CAMTA1: variants seen among roughly 807,000 people sequenced by gnomAD.
CAMTA1 encodes the protein calmodulin binding transcription activator 1, also known as calmodulin-binding transcription activator 1.
CAMTA1 carries 27 observed loss-of-function variants against 170.9 expected under a neutral mutation model. The observed-to-expected ratio is 0.16, with a 90% CI of 0.12 to 0.22. CAMTA1 has a LOEUF of 0.22. CAMTA1 is among the 10% of genes least tolerant of loss of function. CAMTA1 has a pLI of 1.00. For missense variants in CAMTA1, 1,619 were observed against 2,217.2 expected (o/e 0.73, Z 5.42); for synonymous variants, 833 against 891.5 (o/e 0.93, Z 1.17).
At chr1:7,184,065 C>T (rs1207615222) in intron 4 of CAMTA1, among the ~76,000 whole-genome samples, 1 of 152,140 alleles carries the variant, frequency 6.6e-6, no homozygotes, top group Non-Finnish European at 1.5e-5. Flanking sequence ...AGAGTGAGAT[C>T]CTGTCATTTG....
chr1:7,099,883 T>C (rs1026371893), intron 4 of CAMTA1, among the ~76,000 whole-genome samples: 3 of 152,232 alleles, frequency 2.0e-5, no homozygotes, highest in African/African-American at 7.2e-5. Context: ...CCTGTGTTTC[T>C]TGCCTCTCTT....
At chr1:7,048,910 T>G in intron 3 of CAMTA1, among the ~76,000 whole-genome samples, 1 of 152,188 alleles carries the variant, frequency 6.6e-6, no homozygotes, top group Non-Finnish European at 1.5e-5. Context: ...AGATGAGCCG[T>G]CAACCTGTGT....
At chr1:7,201,116 C>G (rs1285990227) in intron 4 of CAMTA1, among the ~76,000 whole-genome samples, 1 of 152,200 alleles carries the variant, frequency 6.6e-6, no homozygotes, top group Non-Finnish European at 1.5e-5. Context: ...ATAGCTTTCT[C>G]TGTTCTGGAC....
intron 3 of CAMTA1, among the ~76,000 whole-genome samples, chr1:6,852,232 A>T (rs948953565): frequency 2.0e-5 from 3 of 152,176 alleles, no homozygotes; most frequent in African/African-American, 7.2e-5. Context: ...ATCAACAAAA[A>T]TGAGAAGGAT....
intron 5 of CAMTA1, among the ~76,000 whole-genome samples, chr1:7,419,371 G>A (rs1396338336): frequency 6.6e-6 from 1 of 152,098 alleles, no homozygotes; most frequent in African/African-American, 2.4e-5. Context: ...TGGCCAGGCT[G>A]GTCTCGAACT....
intron 6 of CAMTA1, among the ~76,000 whole-genome samples, chr1:7,621,127 C>T (rs74053113): frequency 6.6e-6 from 1 of 152,158 alleles, no homozygotes; most frequent in Admixed American, 6.5e-5. Context: ...AGGCATTGCA[C>T]CCTGATTAGG....
chr1:7,608,419 C>G (rs1476434328), intron 6 of CAMTA1, among the ~76,000 whole-genome samples: 1 of 152,204 alleles, frequency 6.6e-6, no homozygotes, highest in African/African-American at 2.4e-5. Flanking sequence ...TCCTCTGGAG[C>G]AGGCACATGT....
chr1:6,808,306 G>A (rs1332262580), intron 1 of CAMTA1, among the ~76,000 whole-genome samples: 1 of 152,022 alleles, frequency 6.6e-6, no homozygotes, highest in African/African-American at 2.4e-5. Context: ...GGGCCACCTA[G>A]TTACTTCTCC....
intron 4 of CAMTA1, among the ~76,000 whole-genome samples, chr1:7,103,847 C>T (rs1202179126): frequency 0.067 from 5,004 of 75,022 alleles, 295 homozygotes; most frequent in African/African-American, 0.25. Flanking sequence ...CACACATGTA[C>T]ACACAACACA....
At chr1:6,828,485 T>C (rs1296098557) in intron 3 of CAMTA1, among the ~76,000 whole-genome samples, 1 of 151,648 alleles carries the variant, frequency 6.6e-6, no homozygotes, top group Admixed American at 6.6e-5. Context: ...AGAGACAGGG[T>C]TTTACCATGT....
At chr1:7,473,169 CAG>C (rs1187571951) in intron 6 of CAMTA1, among the ~76,000 whole-genome samples, 2 of 152,110 alleles carry the variant, frequency 1.3e-5, no homozygotes, top group Admixed American at 1.3e-4. Flanking sequence ...GGGTAGTTCC[CAG>C]AGAGGGGAGA....
At chr1:7,703,242 A>AG in intron 11 of CAMTA1, among the ~76,000 whole-genome samples, 1 of 151,000 alleles carries the variant, frequency 6.6e-6, no homozygotes, top group African/African-American at 2.4e-5. Flanking sequence ...TAGCAGATAA[A>AG]GGGGAGGAGT....
At chr1:7,551,207 G>A (rs1421821011) in intron 6 of CAMTA1, among the ~76,000 whole-genome samples, 1 of 152,142 alleles carries the variant, frequency 6.6e-6, no homozygotes, top group Non-Finnish European at 1.5e-5. Flanking sequence ...GAGAAGCAAG[G>A]AAGGGAGGAG....
At chr1:7,519,839 C>T (rs114963412) in intron 6 of CAMTA1, among the ~76,000 whole-genome samples, 2,347 of 151,584 alleles carry the variant, frequency 0.015, 87 homozygotes, top group African/African-American at 0.054. Flanking sequence ...CTACATGTTC[C>T]GCAGTGGTCC....
chr1:7,166,307 C>T (rs1277784260), intron 4 of CAMTA1, among the ~76,000 whole-genome samples: 1 of 152,176 alleles, frequency 6.6e-6, no homozygotes, highest in East Asian at 1.9e-4. Flanking sequence ...ACTGCGTGAT[C>T]TGCCTGCCTC....
rs142360857 is a variant in CAMTA1 at position 7,499,187 on chromosome 1, C to G, written c.510+31286C>G. 6.9e-5 allele frequency among the ~76,000 whole-genome samples: 2 copies of G among 28,816 alleles called. 1 individual carries two copies. The highest frequency in any genetic ancestry group is 1.3e-4 in the Non-Finnish European group (2 of 15,000). 18.9% of individuals were successfully genotyped at this position (28,816 alleles called of 152,430 possible). A position where few individuals can be genotyped will look rare whatever the true frequency, so the allele number is the denominator to read the frequency against. Reference sequence around the variant, plus strand: ...GTGTGCATGTGTGTCCATGAGTGTGCAGAGAGGATGGTGTGATCCTGGTGT... The same window carrying G: ...GTGTGCATGTGTGTCCATGAGTGTGGAGAGAGGATGGTGTGATCCTGGTGT... On this transcript the variant is annotated intron_variant, in intron 6 of 22. Transcript: ENST00000303635.
intron 3 of CAMTA1, among the ~76,000 whole-genome samples, chr1:6,883,000 G>A (rs1261043621): frequency 6.6e-6 from 1 of 152,140 alleles, no homozygotes; most frequent in Non-Finnish European, 1.5e-5. Context: ...GGGTTCAAGT[G>A]ATTCTCTTGC....
intron 5 of CAMTA1, among the ~76,000 whole-genome samples, chr1:7,424,428 G>C (rs554173058): frequency 8.6e-5 from 11 of 127,328 alleles, no homozygotes; most frequent in African/African-American, 3.2e-4. Context: ...CAGCATTCCT[G>C]TTTTGGCCAC....
rs74051016 is a variant in CAMTA1 at position 6,863,067 on chromosome 1, G to A, written c.234+37857G>A. 2.6e-3 allele frequency among the ~76,000 whole-genome samples: 389 copies of A among 152,304 alleles called. 1 individual carries two copies. The highest frequency in any genetic ancestry group is 9.0e-3 in the African/African-American group (376 of 41,562). Reference sequence around the variant, plus strand: ...GGTGTATATGTTCAAAGTATACAATGTAATTTGATGTGTGTGTACATTGTG... The same window carrying A: ...GGTGTATATGTTCAAAGTATACAATATAATTTGATGTGTGTGTACATTGTG... On this transcript the variant is annotated intron_variant, in intron 3 of 22. Transcript: ENST00000303635.
Sources: allele counts gnomAD v4.1 joint callset (sites outside exome capture counted in the v4.1 genomes callset), GRCh38; gene constraint gnomAD v4.1.1; transcripts MANE v1.5; gene names NCBI Gene and HGNC (gene_info 2026-07-23, HGNC 2026-07-21).